Variants in COL21A1 observed in about 807,000 individuals in gnomAD.
COL21A1 encodes collagen type XXI alpha 1 chain, also known as collagen alpha-1(XXI) chain.
COL21A1 carries 149 observed loss-of-function variants against 137.9 expected under a neutral mutation model. The observed-to-expected ratio is 1.08, with a 90% CI of 0.95 to 1.24. COL21A1 has a LOEUF of 1.24. Among genes scored for constraint, COL21A1 ranks in the 50% most tolerant of loss-of-function variants. The pLI, the probability that COL21A1 is intolerant of heterozygous loss-of-function variation, is 0.00. For missense variants in COL21A1, 1,167 were observed against 1,158.4 expected (o/e 1.01, Z -0.11); for synonymous variants, 456 against 391.5 (o/e 1.16, Z -1.95).
At chr6:56,141,887 C>T (rs567005726) in intron 11 of COL21A1, 43 bp downstream of exon 11, 2 of 1,600,338 alleles carry the variant, frequency 1.2e-6, no homozygotes, top group Admixed American at 3.4e-5. Flanking sequence ...TTTTAGTTCA[C>T]TAAAAATAAA....
At chr6:56,220,305 G>A (rs1780751691) in intron 1 of COL21A1, among the ~76,000 whole-genome samples, 1 of 152,078 alleles carries the variant, frequency 6.6e-6, no homozygotes, top group African/African-American at 2.4e-5. Flanking sequence ...CAGAAGCAGA[G>A]AAAATAGCCT....
chr6:56,208,417 C>T (rs1369567008), intron 1 of COL21A1, among the ~76,000 whole-genome samples: 3 of 152,112 alleles, frequency 2.0e-5, no homozygotes, highest in Non-Finnish European at 4.4e-5. Flanking sequence ...TGTGAACTCC[C>T]ATTCACAATT....
intron 1 of COL21A1, among the ~76,000 whole-genome samples, chr6:56,246,871 G>T (rs532755352): frequency 8.7e-6 from 1 of 114,802 alleles, no homozygotes; most frequent in Non-Finnish European, 1.8e-5. Context: ...AATGCTCAAA[G>T]TCCCACCCCC....
intron 1 of COL21A1, among the ~76,000 whole-genome samples, chr6:56,201,224 G>C (rs898743075): frequency 1.3e-5 from 2 of 151,804 alleles, no homozygotes; most frequent in Admixed American, 6.6e-5. Context: ...AGATGAGTAG[G>C]CTGCAAAAAT....
chr6:56,206,825 T>A (rs1779825305), intron 1 of COL21A1, among the ~76,000 whole-genome samples: 1 of 149,280 alleles, frequency 6.7e-6, no homozygotes, highest in Non-Finnish European at 1.5e-5. Flanking sequence ...AGAATGAAAA[T>A]CATAACAAAC....
chr6:56,161,443 C>T (rs1776191513), intron 9 of COL21A1, among the ~76,000 whole-genome samples: 1 of 152,008 alleles, frequency 6.6e-6, no homozygotes, highest in African/African-American at 2.4e-5. Context: ...ATCTTTCTCG[C>T]AGAACAGAAG....
chr6:56,128,282 C>T (rs949661388), intron 12 of COL21A1, among the ~76,000 whole-genome samples: 5 of 152,218 alleles, frequency 3.3e-5, no homozygotes, highest in African/African-American at 9.7e-5. Context: ...GGGGTTCTGC[C>T]TCCCTGAAAG....
At chr6:56,205,045 G>A (rs1390856272) in intron 1 of COL21A1, among the ~76,000 whole-genome samples, 1 of 152,150 alleles carries the variant, frequency 6.6e-6, no homozygotes, top group Non-Finnish European at 1.5e-5. Flanking sequence ...AGTGCAAAAA[G>A]GCTGAAAATT....
At chr6:56,124,847 G>A (rs949864675) in intron 14 of COL21A1, among the ~76,000 whole-genome samples, 9 of 151,822 alleles carry the variant, frequency 5.9e-5, no homozygotes, top group East Asian at 3.9e-4. Context: ...GGGTTTCACC[G>A]TGTTAGCCAG....
At chr6:56,376,573 A>G (rs140235352) in intron 1 of COL21A1, among the ~76,000 whole-genome samples, 73 of 152,292 alleles carry the variant, frequency 4.8e-4, no homozygotes, top group African/African-American at 1.4e-3. Context: ...CTTGGATTCA[A>G]GAAACTTCAT....
chr6:56,095,705 C>A (rs1005732951), intron 17 of COL21A1, among the ~76,000 whole-genome samples: 1 of 152,202 alleles, frequency 6.6e-6, no homozygotes, highest in Non-Finnish European at 1.5e-5. Flanking sequence ...GCTACACACT[C>A]CTGCCTTGCC....
intron 1 of COL21A1, among the ~76,000 whole-genome samples, chr6:56,226,699 A>G (rs544427952): frequency 1.4e-4 from 21 of 152,098 alleles, no homozygotes; most frequent in African/African-American, 5.1e-4. Context: ...GTTTGCTTTT[A>G]TGGTGCAATG....
chr6:56,239,105 C>T (rs1782098182), intron 1 of COL21A1, among the ~76,000 whole-genome samples: 1 of 152,108 alleles, frequency 6.6e-6, no homozygotes, highest in African/African-American at 2.4e-5. Context: ...CTCTATATGG[C>T]CTCAATGTAT....
At chr6:56,223,447 T>A (rs568582029) in intron 1 of COL21A1, among the ~76,000 whole-genome samples, 9 of 152,252 alleles carry the variant, frequency 5.9e-5, no homozygotes, top group Admixed American at 4.6e-4. Context: ...AGTAACTGAA[T>A]CATTAAATTT....
intron 1 of COL21A1, among the ~76,000 whole-genome samples, chr6:56,345,070 G>A (rs1223521689): frequency 6.6e-6 from 1 of 152,198 alleles, no homozygotes; most frequent in Non-Finnish European, 1.5e-5. Flanking sequence ...TCTGTGGGAT[G>A]CACAGGTGAA....
intron 1 of COL21A1, among the ~76,000 whole-genome samples, chr6:56,291,555 CA>C (rs1764045151): frequency 1.3e-5 from 2 of 152,178 alleles, no homozygotes; most frequent in South Asian, 4.1e-4. Context: ...GACTAAGAGC[CA>C]AAATGCGGGT....
chr6:56,176,669 GAA>G (rs1777496411), intron 3 of COL21A1, among the ~76,000 whole-genome samples: 1 of 150,100 alleles, frequency 6.7e-6, no homozygotes, highest in Non-Finnish European at 1.5e-5. Context: ...GGAAGGAAGA[GAA>G]GGAGGGAGGG....
chr6:56,299,014 G>A (rs1677876569), intron 1 of COL21A1, among the ~76,000 whole-genome samples: 1 of 152,066 alleles, frequency 6.6e-6, no homozygotes, highest in Non-Finnish European at 1.5e-5. Flanking sequence ...TTCTTCATGT[G>A]TCACTTGCAA....
chr6:56,079,521 C>T (rs974469695), intron 17 of COL21A1, among the ~76,000 whole-genome samples: 1 of 151,574 alleles, frequency 6.6e-6, no homozygotes, highest in Non-Finnish European at 1.5e-5. Context: ...CCACGAACAG[C>T]ACCTTGGCTT....
Sources: allele counts gnomAD v4.1 joint callset (sites outside exome capture counted in the v4.1 genomes callset), GRCh38; gene constraint gnomAD v4.1.1; transcripts MANE v1.5; gene names NCBI Gene and HGNC (gene_info 2026-07-23, HGNC 2026-07-21).